ECPAS: variants seen among roughly 807,000 people sequenced by gnomAD.
ECPAS encodes Ecm29 proteasome adaptor and scaffold.
ECPAS carries 70 observed loss-of-function variants against 255.1 expected under a neutral mutation model. The ratio of observed to expected loss-of-function variants is 0.27; its 90% CI spans 0.23 to 0.33. The LOEUF (loss-of-function observed/expected upper bound fraction) is 0.33, where lower values mean the gene tolerates loss of function less well. ECPAS is among the 10% of genes least tolerant of loss of function. ECPAS has a pLI of 1.00. For synonymous variants in ECPAS, 784 were observed against 775.0 expected (o/e 1.01, Z -0.19); for missense variants, 1,817 against 2,206.4 (o/e 0.82, Z 3.54).
intron 1 of ECPAS, among the ~76,000 whole-genome samples, chr9:111,478,011 C>A (rs888931300): frequency 6.6e-6 from 1 of 151,794 alleles, no homozygotes; most frequent in Non-Finnish European, 1.5e-5. Context: ...AGCCATCCTC[C>A]CCACTCAGCC....
chr9:111,419,011 A>T (rs911753930), intron 16 of ECPAS, among the ~76,000 whole-genome samples: 9 of 152,230 alleles, frequency 5.9e-5, no homozygotes, highest in African/African-American at 2.2e-4. Flanking sequence ...GTGATGTCCA[A>T]TTAAAATACC....
Position 111,428,022 on chromosome 9 carries a change from C to T in ECPAS, c.1050+20G>A. ...TAAAAGTTGCAGACAGGCCAATATTCTCTGGAAAAAACAAATTACCTGAAT... is the reference window on the plus strand; with the variant it reads ...TAAAAGTTGCAGACAGGCCAATATTTTCTGGAAAAAACAAATTACCTGAAT... On this transcript the variant is annotated intron_variant, in intron 10 of 49. Coordinates refer to ENST00000684092, the MANE Select transcript of ECPAS (RefSeq NM_001364929.1). 6 of 1,610,206 alleles carry T rather than the reference C, an allele frequency of 3.7e-6. No individual in the cohort carries two copies. The highest frequency in any genetic ancestry group is 5.1e-6 in the Non-Finnish European group (6 of 1,178,276).
intron 1 of ECPAS, among the ~76,000 whole-genome samples, chr9:111,481,715 T>C (rs771509165): frequency 7.9e-5 from 12 of 152,170 alleles, no homozygotes; most frequent in Non-Finnish European, 1.3e-4. Flanking sequence ...CATAGACAGA[T>C]AGATGGACAA....
At chr9:111,376,857 A>G (rs1012499815) in intron 36 of ECPAS, among the ~76,000 whole-genome samples, 1 of 152,216 alleles carries the variant, frequency 6.6e-6, no homozygotes, top group African/African-American at 2.4e-5. Flanking sequence ...GGAACTGACT[A>G]AACAAATTTC....
intron 1 of ECPAS, among the ~76,000 whole-genome samples, chr9:111,476,285 T>C (rs1589243448): frequency 6.6e-6 from 1 of 152,240 alleles, no homozygotes; most frequent in Non-Finnish European, 1.5e-5. Context: ...CTTCCTTCCC[T>C]GTTGGAAATC....
In ECPAS at chr9:111,361,558, C is replaced by T. The variant is rs1301619635; in HGVS notation, c.*472G>A. ...AAAGTATCCAGGGCCAGACATTAAA[C>T]ACCTGGGTTCTGACTTTGGCACAGG... On this transcript the variant is annotated 3_prime_UTR_variant, in exon 50 of 50. Coordinates refer to ENST00000684092, the MANE Select transcript of ECPAS (RefSeq NM_001364929.1). The T allele has an allele frequency of 6.6e-6, 1 of 152,474 alleles. No homozygotes were observed. The highest frequency in any genetic ancestry group is 1.5e-5 in the Non-Finnish European group (1 of 68,284). The allele number at this position is 152,474 out of a possible 1,614,324, so 9.4% of individuals were successfully genotyped here.
intron 29 of ECPAS, among the ~76,000 whole-genome samples, chr9:111,390,665 C>T (rs926681885): frequency 2.6e-5 from 4 of 152,174 alleles, no homozygotes; most frequent in African/African-American, 7.2e-5. Context: ...TGTGGGGGAA[C>T]GTCAACGATG....
At chr9:111,407,827 C>T (rs2098187534) in intron 24 of ECPAS, among the ~76,000 whole-genome samples, 1 of 152,242 alleles carries the variant, frequency 6.6e-6, no homozygotes, top group South Asian at 2.1e-4. Context: ...ACCAATCACA[C>T]TGCTAGGCAC....
intron 26 of ECPAS, among the ~76,000 whole-genome samples, chr9:111,393,943 A>G (rs574568510): frequency 2.0e-4 from 30 of 152,326 alleles, no homozygotes; most frequent in South Asian, 8.3e-4. Context: ...CACTGCCCCA[A>G]CTGAGCCTTC....
intron 2 of ECPAS, among the ~76,000 whole-genome samples, chr9:111,452,372 T>C (rs2098261442): frequency 6.6e-6 from 1 of 152,208 alleles, no homozygotes; most frequent in Non-Finnish European, 1.5e-5. Flanking sequence ...AATACATTTA[T>C]AAAAATTCAT....
At chr9:111,430,131 G>T (rs897720168) in intron 9 of ECPAS, among the ~76,000 whole-genome samples, 2 of 152,162 alleles carry the variant, frequency 1.3e-5, no homozygotes, top group African/African-American at 4.8e-5. Context: ...AATATATTTT[G>T]TAATATATGA....
rs776914668 is a variant in ECPAS at position 111,389,539 on chromosome 9, G to A, written c.3447+17C>T. Reference sequence around the variant, plus strand: ...GTCTACAGTGTTTTCCTAACACAGGGGTTCACAGACACTTACCATGGATTT... The same window carrying A: ...GTCTACAGTGTTTTCCTAACACAGGAGTTCACAGACACTTACCATGGATTT... On this transcript the variant is annotated intron_variant, in intron 31 of 49. Coordinates refer to ENST00000684092, the MANE Select transcript of ECPAS (RefSeq NM_001364929.1). The A allele has an allele frequency of 1.2e-6, 2 of 1,607,306 alleles. No homozygotes were observed. The highest frequency in any genetic ancestry group is 8.5e-7 in the Non-Finnish European group (1 of 1,176,072).
At chr9:111,469,712 G>A (rs1158133374) in intron 2 of ECPAS, among the ~76,000 whole-genome samples, 3 of 152,016 alleles carry the variant, frequency 2.0e-5, no homozygotes, top group Admixed American at 6.5e-5. Flanking sequence ...GGGAGGCTGA[G>A]GCAGCAGAAT....
chr9:111,472,417 T>C (rs1376337641), intron 2 of ECPAS, among the ~76,000 whole-genome samples: 1 of 147,094 alleles, frequency 6.8e-6, no homozygotes, highest in Non-Finnish European at 1.5e-5. Context: ...CTGAGGTAGG[T>C]GGATCGCCTG....
At chr9:111,373,435 A>T (rs2098129738) in intron 39 of ECPAS, 29 bp from the exon 40 acceptor site, 1 of 1,588,052 alleles carries the variant, frequency 6.3e-7, no homozygotes, top group African/African-American at 1.3e-5. Context: ...AAAAAATCTG[A>T]TACTTGGTTG....
intron 41 of ECPAS, 51 bp downstream of exon 41, chr9:111,373,119 G>T: frequency 7.4e-7 from 1 of 1,353,332 alleles, no homozygotes; most frequent in Non-Finnish European, 1.1e-6. Context: ...TGTTTTACTG[G>T]GCTGTTAACA....
At chr9:111,437,314 T>G (rs2098239595) in intron 6 of ECPAS, among the ~76,000 whole-genome samples, 1 of 152,218 alleles carries the variant, frequency 6.6e-6, no homozygotes, top group African/African-American at 2.4e-5. Context: ...AGCACGTCAT[T>G]TAACTTGGTT....
chr9:111,455,187 T>C (rs910537680), intron 2 of ECPAS, among the ~76,000 whole-genome samples: 7 of 152,244 alleles, frequency 4.6e-5, no homozygotes, highest in Admixed American at 1.3e-4. Context: ...CTGCTACCTG[T>C]AGAAACACTT....
intron 1 of ECPAS, among the ~76,000 whole-genome samples, chr9:111,481,422 C>T (rs1270917153): frequency 1.3e-5 from 2 of 152,018 alleles, no homozygotes; most frequent in East Asian, 3.8e-4. Context: ...ATAAGAATGG[C>T]GTGAACCTGG....
Sources: gnomAD v4.1 joint callset for allele counts (sites outside exome capture counted in the v4.1 genomes callset) on GRCh38, gnomAD v4.1.1 for gene constraint, MANE v1.5 for transcripts, NCBI Gene and HGNC (gene_info 2026-07-23, HGNC 2026-07-21) for gene names.